Variants in CSMD1 observed in about 807,000 individuals in gnomAD.
CSMD1 encodes CUB and Sushi multiple domains 1.
A neutral mutation model predicts 417.5 loss-of-function variants in CSMD1; 213 were observed. The observed-to-expected ratio is 0.51, with a 90% CI of 0.46 to 0.57. CSMD1 has a LOEUF of 0.57. Ranked by LOEUF, CSMD1 falls within the 20% of genes least tolerant of loss-of-function variation. CSMD1 has a pLI of 0.00. For synonymous variants in CSMD1, 2,862 were observed against 1,736.8 expected (o/e 1.65, Z -16.11); for missense variants, 6,923 against 4,529.7 (o/e 1.53, Z -15.17).
At chr8:3,001,411 T>TA (rs1807396452) in intron 52 of CSMD1, among the ~76,000 whole-genome samples, 1 of 152,144 alleles carries the variant, frequency 6.6e-6, no homozygotes, top group African/African-American at 2.4e-5. Context: ...ATGGAAAGGG[T>TA]ATTCTTATTA....
intron 1 of CSMD1, among the ~76,000 whole-genome samples, chr8:4,761,215 C>T (rs1812019929): frequency 6.6e-6 from 1 of 151,984 alleles, no homozygotes; most frequent in East Asian, 1.9e-4. Context: ...CCAGAGTAGC[C>T]AGGAGGTCAC....
chr8:3,856,831 A>C (rs969413162), intron 5 of CSMD1, among the ~76,000 whole-genome samples: 1 of 152,188 alleles, frequency 6.6e-6, no homozygotes, highest in African/African-American at 2.4e-5. Context: ...CAAAGTTAAC[A>C]GAACAGGCAA....
intron 10 of CSMD1, among the ~76,000 whole-genome samples, chr8:3,556,554 T>A (rs1308391654): frequency 6.9e-6 from 1 of 145,806 alleles, no homozygotes; most frequent in African/African-American, 2.6e-5. Context: ...ACACACACCC[T>A]CTCTCTCTTT....
intron 49 of CSMD1, among the ~76,000 whole-genome samples, chr8:3,081,579 T>C (rs951769375): frequency 1.4e-4 from 21 of 152,332 alleles, no homozygotes; most frequent in Non-Finnish European, 2.8e-4. Flanking sequence ...CATTAGTAAT[T>C]ACATTCCCAA....
rs1340495075 is a variant in CSMD1, at chr8:4,624,956, T to A, written c.302+12386A>T. Among the ~76,000 whole-genome samples, 3 of 152,166 alleles carry A rather than the reference T, an allele frequency of 2.0e-5. No individual in the cohort carries two copies. In the East Asian group the frequency reaches 5.8e-4, roughly 29 times the overall value. On this transcript the variant is annotated intron_variant, in intron 2 of 69. Transcript: ENST00000635120. ...GTAGAGAACAGCAGTTTTCATAACATAACTCTTTGAATGGATGAGTTTATC... is the reference window on the plus strand; with the variant it reads ...GTAGAGAACAGCAGTTTTCATAACAAAACTCTTTGAATGGATGAGTTTATC...
At chr8:4,559,609 T>A (rs1030132496) in intron 2 of CSMD1, among the ~76,000 whole-genome samples, 1 of 152,236 alleles carries the variant, frequency 6.6e-6, no homozygotes, top group Non-Finnish European at 1.5e-5. Flanking sequence ...TTGTATAAAA[T>A]TATAACCTCT....
intron 12 of CSMD1, among the ~76,000 whole-genome samples, chr8:3,454,441 T>C (rs918752765): frequency 2.6e-5 from 4 of 152,240 alleles, no homozygotes; most frequent in African/African-American, 9.6e-5. Context: ...GTTTTTGCAG[T>C]GGCTGGTACC....
chr8:3,233,233 T>C (rs1395910174), intron 26 of CSMD1, among the ~76,000 whole-genome samples: 1 of 152,168 alleles, frequency 6.6e-6, no homozygotes, highest in African/African-American at 2.4e-5. Context: ...GAGGTGATTG[T>C]ATTAATCATT....
At chr8:3,748,694 T>C (rs546339423) in intron 6 of CSMD1, among the ~76,000 whole-genome samples, 3 of 152,206 alleles carry the variant, frequency 2.0e-5, no homozygotes, top group Admixed American at 2.0e-4. Context: ...ATACGTTTTA[T>C]CCAAATTAGA....
At chr8:3,684,234 T>C (rs112631480) in intron 7 of CSMD1, among the ~76,000 whole-genome samples, 1 of 143,424 alleles carries the variant, frequency 7.0e-6, no homozygotes, top group Non-Finnish European at 1.5e-5. Flanking sequence ...TAATATATAA[T>C]ATATAATTTA....
At chr8:3,972,257 C>A (rs569574461) in intron 5 of CSMD1, among the ~76,000 whole-genome samples, 3 of 152,040 alleles carry the variant, frequency 2.0e-5, no homozygotes, top group African/African-American at 7.2e-5. Flanking sequence ...TAGTATTGAC[C>A]TTGTGTTCAT....
At chr8:3,006,685 T>C (rs796239151) in intron 52 of CSMD1, among the ~76,000 whole-genome samples, 2 of 151,066 alleles carry the variant, frequency 1.3e-5, no homozygotes, top group Non-Finnish European at 3.0e-5. Flanking sequence ...GGATTCCCTA[T>C]TTAATAAATG....
At chr8:4,081,225 G>C (rs939698427) in intron 3 of CSMD1, among the ~76,000 whole-genome samples, 2 of 152,124 alleles carry the variant, frequency 1.3e-5, no homozygotes, top group African/African-American at 4.8e-5. Context: ...TTATGCAGCA[G>C]GAACAGTCTC....
Position 4,231,419 on chromosome 8 carries a change from A to G in CSMD1, c.415+188534T>C, listed in dbSNP as rs73498533. Among the ~76,000 whole-genome samples, 419 of 152,336 alleles carry G rather than the reference A, an allele frequency of 2.8e-3. 1 individual carries two copies. Among genetic ancestry groups the G allele is most frequent in the African/African-American group, 9.7e-3 (404 of 41,572 alleles). ...TTTGTCTCACAAAGTTGTTACAAAA[A>G]TTACGATAAAAGTGATAGGTGTAGA... On this transcript the variant is annotated intron_variant, in intron 3 of 69. Transcript: ENST00000635120.
intron 54 of CSMD1, among the ~76,000 whole-genome samples, chr8:2,987,780 G>C (rs1010198298): frequency 3.3e-5 from 5 of 152,194 alleles, no homozygotes; most frequent in African/African-American, 1.2e-4. Context: ...GCTTCGGGGA[G>C]ACTGGAGTCT....
At chr8:3,867,757 C>T (rs943148290) in intron 5 of CSMD1, among the ~76,000 whole-genome samples, 1 of 152,242 alleles carries the variant, frequency 6.6e-6, no homozygotes, top group Admixed American at 6.5e-5. Flanking sequence ...CAGGAACCCT[C>T]CTCCCAGGGC....
chr8:4,758,305 T>C (rs1216755896), intron 1 of CSMD1, among the ~76,000 whole-genome samples: 1 of 152,244 alleles, frequency 6.6e-6, no homozygotes. Context: ...TTGAATGTTA[T>C]GCTTAATTCG....
intron 2 of CSMD1, among the ~76,000 whole-genome samples, chr8:4,474,939 G>T (rs1370698011): frequency 1.3e-5 from 2 of 152,076 alleles, no homozygotes; most frequent in Admixed American, 6.6e-5. Context: ...TTAATTGACG[G>T]TTTGTGTTAT....
chr8:4,138,074 TTTTTTTTTTTTTTG>T lies in CSMD1; in HGVS notation c.416-105989_416-105976del, dbSNP rs1803544047. Among the ~76,000 whole-genome samples, 7 of 119,514 alleles carry T rather than the reference TTTTTTTTTTTTTTG, an allele frequency of 5.9e-5. 1 individual carries two copies. The highest frequency in any genetic ancestry group is 2.0e-4 in the African/African-American group (7 of 34,524). The allele number at this position is 119,514 out of a possible 152,430, so 78.4% of individuals were successfully genotyped here. A position where few individuals can be genotyped will look rare whatever the true frequency, so the allele number is the denominator to read the frequency against. ...TTTTTTTTTTTTTTTTTTTTTTTTT[TTTTTTTTTTTTTTG>T]TATTTTTTAGTAGAGACGCGGTTTC... is the stretch of plus-strand genomic sequence containing the variant. On this transcript the variant is annotated intron_variant, in intron 3 of 69. Coordinates refer to ENST00000635120, the MANE Select transcript of CSMD1 (RefSeq NM_033225.6).
Sources: gnomAD v4.1 joint callset for allele counts (sites outside exome capture counted in the v4.1 genomes callset) on GRCh38, gnomAD v4.1.1 for gene constraint, MANE v1.5 for transcripts, NCBI Gene and HGNC (gene_info 2026-07-23, HGNC 2026-07-21) for gene names.